The following SPEG variants were observed in gnomAD, a reference collection of about 807,000 sequenced individuals.
SPEG encodes striated muscle enriched protein kinase.
In SPEG, 114 loss-of-function variants were observed where a neutral mutation model predicts 300.4. The observed-to-expected ratio is 0.38, with a 90% CI of 0.33 to 0.44. The LOEUF is 0.44. Among genes scored for constraint, SPEG ranks in the 20% least tolerant of loss-of-function variants. The pLI is 1.00. For synonymous variants in SPEG, 1,964 were observed against 2,018.9 expected (o/e 0.97, Z 0.73); for missense variants, 4,201 against 4,586.2 (o/e 0.92, Z 2.43).
intron 22 of SPEG, among the ~76,000 whole-genome samples, chr2:219,478,804 T>C (rs547406294): frequency 1.3e-5 from 2 of 152,276 alleles, no homozygotes; most frequent in South Asian, 4.1e-4. Context: ...TCAACAAAAT[T>C]CTGCTGTAAT....
At position 219,464,701 on chromosome 2, in the gene SPEG, C is replaced by A; in HGVS notation, c.2881+93C>A. Reference sequence around the variant, plus strand: ...TCACACAGCCTCAGTTAGAGGATGCCACCACTGAAAGGGCCTTAAGGGGCC... The same window carrying A: ...TCACACAGCCTCAGTTAGAGGATGCAACCACTGAAAGGGCCTTAAGGGGCC... On this transcript the variant is annotated intron_variant, in intron 9 of 40. Transcript: ENST00000312358. The surrounding 1 kb of genome is among the most constrained non-coding windows in gnomAD (Gnocchi z 4.5). The A allele has an allele frequency of 7.4e-7, 1 of 1,358,498 alleles. No homozygotes were observed. The highest frequency in any genetic ancestry group is 1.0e-6 in the Non-Finnish European group (1 of 974,570). The allele number at this position is 1,358,498 out of a possible 1,614,324, so 84.2% of individuals were successfully genotyped here.
Position 219,463,392 on chromosome 2 carries a change from A to ATT in SPEG, c.2706-1004_2706-1003dup, listed in dbSNP as rs71040459. Among the ~76,000 whole-genome samples the ATT allele has an allele frequency of 7.1e-4, 17 of 23,944 alleles. 4 individuals are homozygous for ATT. The East Asian group carries it at 0.01, about 14-fold the overall frequency. The allele number at this position is 23,944 out of a possible 152,430, so 15.7% of individuals were successfully genotyped here. On this transcript the variant is annotated intron_variant, in intron 8 of 40. Transcript: ENST00000312358. ...AATTGATTGTCTGGTCCCCACTGTG[A>ATT]TTTTTTTTTTTTTTTTTTTTTTTTT...
chr2:219,474,331 T>C (rs1269677244), intron 18 of SPEG: 1 of 157,280 alleles, frequency 6.4e-6, no homozygotes, highest in African/African-American at 2.5e-5. Flanking sequence ...TGAGCCGAGA[T>C]TGCTCCATTG....
Position 219,448,953 on chromosome 2 carries a change from A to C in SPEG, c.1795A>C (p.Thr599Pro), listed in dbSNP as rs1327711226. 1.3e-6 allele frequency: 2 copies of C among 1,506,954 alleles called. No homozygotes were observed. The highest frequency in any genetic ancestry group is 8.8e-7 in the Non-Finnish European group (1 of 1,131,460). 93.3% of individuals were successfully genotyped at this position (1,506,954 alleles called of 1,614,324 possible). Residue 599 changes from threonine to proline, a missense_variant, in exon 4 of 41, where the codon ACC becomes CCC. Coordinates refer to ENST00000312358, the MANE Select transcript of SPEG (RefSeq NM_005876.5). ...TAGGCGTCGGGACCAATTCCCGCTG[A>C]CCCGGAGCAGAGCCATCCAGGAGTG... The part of the protein sequence containing the change: ...EVRRRDQFPL[T>P]RSRAIQECRS...
intron 8 of SPEG, 65 bp downstream of exon 8, chr2:219,462,451 G>C (rs1690809995): frequency 2.3e-6 from 3 of 1,332,968 alleles, no homozygotes; most frequent in Admixed American, 2.1e-5. Flanking sequence ...TGGGAGGTCT[G>C]GCTTTGGGTG....
At position 219,489,779 on chromosome 2, in the gene SPEG, CCTCCTGAGCCTA is replaced by C; in HGVS notation, c.8763_8774del (p.Pro2922_Thr2925del). 1 of 1,613,652 alleles carries C rather than the reference CCTCCTGAGCCTA, an allele frequency of 6.2e-7. No individual in the cohort carries two copies. The highest frequency in any genetic ancestry group is 8.5e-7 in the Non-Finnish European group (1 of 1,179,952). ...CCCTGAGCCCCCAGCCCCTGAGCCC[CCTCCTGAGCCTA>C]CCAAGGTGACTGTGCAGAGCCTCAG... is the stretch of plus-strand genomic sequence containing the variant. On this transcript the variant is annotated inframe_deletion, in exon 36 of 41. Coordinates refer to ENST00000312358, the MANE Select transcript of SPEG (RefSeq NM_005876.5).
chr2:219,456,704 A>G (rs988058602), intron 6 of SPEG, among the ~76,000 whole-genome samples: 1 of 152,026 alleles, frequency 6.6e-6, no homozygotes, highest in Non-Finnish European at 1.5e-5. Flanking sequence ...GGTCAGGAGT[A>G]TGAGACCAGC....
Position 219,476,952 on chromosome 2 carries a change from A to T in SPEG, c.4530A>T (p.Gly1510=). The T allele has an allele frequency of 1.2e-6, 2 of 1,612,268 alleles. No individual in the cohort carries two copies. Among genetic ancestry groups the T allele is most frequent in the South Asian group, 1.1e-5 (1 of 90,860 alleles). ...ETARFAVVVE[G]KPLPDIMWYK... ...CTCGCTTTGCGGTGGTGGTCGAGGG[A>T]AAACCACTGCCGGACATCATGTGGT... Residue 1510 remains glycine (G), a synonymous_variant, in exon 19 of 41, where the codon GGA becomes GGT. Coordinates refer to ENST00000312358, the MANE Select transcript of SPEG (RefSeq NM_005876.5).
rs376913006 is a variant in SPEG at position 219,469,186 on chromosome 2, C to T, written c.3522C>T (p.Pro1174=). ...AGCTGGAGAAGATGCCATCCATTCCCGAGGAGCCAGAGCAGGGTGAGCTGG... is the reference window on the plus strand; with the variant it reads ...AGCTGGAGAAGATGCCATCCATTCCTGAGGAGCCAGAGCAGGGTGAGCTGG... ...SSKLEKMPSI[P]EEPEQGELER... The change falls in exon 13 of 41, where the codon CCC becomes CCT. Residue 1174 remains proline (P), a synonymous_variant. Transcript: ENST00000312358. 82 of 1,613,836 alleles carry T rather than the reference C, an allele frequency of 5.1e-5. 1 individual carries two copies. The highest frequency in any genetic ancestry group is 4.5e-4 in the Admixed American group (27 of 60,000).
rs934581107 is a variant in SPEG at position 219,466,270 on chromosome 2, G to T, written c.2882-904G>T. On this transcript the variant is annotated intron_variant, in intron 9 of 40. Transcript: ENST00000312358. ...CCTGTGGACCCTCCCTCCCCAAGTG[G>T]ACACATGGCTGTGCAGGCCAGGAGG... is the stretch of plus-strand genomic sequence containing the variant. The T allele has an allele frequency of 1.3e-5, 18 of 1,428,144 alleles. No individual in the cohort carries two copies. In the East Asian group the frequency reaches 4.0e-4, roughly 32 times the overall value. The allele number at this position is 1,428,144 out of a possible 1,614,324, so 88.5% of individuals were successfully genotyped here. A position where few individuals can be genotyped will look rare whatever the true frequency, so the allele number is the denominator to read the frequency against.
In SPEG at chr2:219,464,623, T is replaced by G. The variant is rs761095360; in HGVS notation, c.2881+15T>G. On this transcript the variant is annotated intron_variant, in intron 9 of 40. Coordinates refer to ENST00000312358, the MANE Select transcript of SPEG (RefSeq NM_005876.5). This position sits in a 1 kb window ranked among gnomAD's most constrained non-coding sequence, Gnocchi z 4.5. The stretch of plus-strand genomic sequence containing the variant: ...GGAGGTCCGAGGTGAGTACCTGATT[T>G]CTCCATGAATGCCCACCTGGCCCTG... 21 of 1,610,646 alleles carry G rather than the reference T, an allele frequency of 1.3e-5. No individual in the cohort carries two copies. The South Asian group carries it at 2.1e-4, about 16-fold the overall frequency.
Position 219,493,427 on chromosome 2 carries a change from C to G in SPEG, c.*641C>G. The G allele has an allele frequency of 2.5e-6, 1 of 407,292 alleles. No individual in the cohort carries two copies. The highest frequency in any genetic ancestry group is 5.0e-6 in the Non-Finnish European group (1 of 200,176). 25.2% of individuals were successfully genotyped at this position (407,292 alleles called of 1,614,324 possible). On this transcript the variant is annotated 3_prime_UTR_variant, in exon 41 of 41. Coordinates refer to ENST00000312358, the MANE Select transcript of SPEG (RefSeq NM_005876.5). Reference sequence around the variant, plus strand: ...GTCCTCCTGTCCAGTGGATACAGCCCTGGGCGCTCTGCTGGCCCAAGGATG... The same window carrying G: ...GTCCTCCTGTCCAGTGGATACAGCCGTGGGCGCTCTGCTGGCCCAAGGATG...
chr2:219,480,205 G>A lies in SPEG; in HGVS notation c.5342+65G>A, dbSNP rs149561512. 1.0e-5 allele frequency: 16 copies of A among 1,523,870 alleles called. No homozygotes were observed. Among genetic ancestry groups the A allele is most frequent in the Admixed American group, 6.9e-5 (4 of 57,618 alleles). 94.4% of individuals were successfully genotyped at this position (1,523,870 alleles called of 1,614,324 possible). Reference sequence around the variant, plus strand: ...GCCCTTGGGGCTGTGCTGGGGACGCGCTCACTGGCAGGGAGATTTACCGAG... The same window carrying A: ...GCCCTTGGGGCTGTGCTGGGGACGCACTCACTGGCAGGGAGATTTACCGAG... On this transcript the variant is annotated intron_variant, in intron 25 of 40. Coordinates refer to ENST00000312358, the MANE Select transcript of SPEG (RefSeq NM_005876.5). The surrounding 1 kb of genome is among the most constrained non-coding windows in gnomAD (Gnocchi z 5.3).
At chr2:219,491,086 G>A (rs545104362) in intron 38 of SPEG, 130 bp downstream of exon 38, 1 of 699,082 alleles carries the variant, frequency 1.4e-6, no homozygotes, top group Non-Finnish European at 2.4e-6. Flanking sequence ...AATGAACGAA[G>A]TATGTGGATT....
chr2:219,448,534 C>A lies in SPEG; in HGVS notation c.1376C>A (p.Ala459Glu). ...TPGASQEELR[A>E]PGSVAERRRL... The stretch of plus-strand genomic sequence containing the variant: ...GGGGCCTCGCAGGAAGAACTGCGGG[C>A]GCCAGGCAGCGTGGCCGAGCGGCGC... Residue 459 changes from alanine (A) to glutamate (E), a missense_variant, in exon 4 of 41, where the codon GCG becomes GAG. Ala to Glu is a moderately radical substitution (Grantham distance 107). This residue lies in a region of SPEG where 1,258 missense variants were observed against 1,293.9 expected (regional missense o/e 0.97). Transcript: ENST00000312358. The A allele has an allele frequency of 2.1e-6, 3 of 1,440,952 alleles. No individual in the cohort carries two copies. Among genetic ancestry groups the A allele is most frequent in the South Asian group, 1.4e-5 (1 of 70,994 alleles). 89.3% of individuals were successfully genotyped at this position (1,440,952 alleles called of 1,614,324 possible).
intron 9 of SPEG, 103 bp from the exon 10 acceptor site, chr2:219,467,071 C>G (rs1691431196): frequency 1.5e-6 from 2 of 1,377,050 alleles, no homozygotes; most frequent in Non-Finnish European, 1.9e-6. Flanking sequence ...AAATGCATCT[C>G]TCTCTCTGTG....
intron 6 of SPEG, chr2:219,461,192 C>T: frequency 1.0e-6 from 1 of 985,028 alleles, no homozygotes; most frequent in Non-Finnish European, 1.2e-6. Context: ...CTCTGGTGCC[C>T]CCCTCCTCTT....
Position 219,473,906 on chromosome 2 carries a change from G to A in SPEG, c.4447+3G>A. 1.2e-6 allele frequency: 2 copies of A among 1,601,202 alleles called. No homozygotes were observed. The highest frequency in any genetic ancestry group is 1.7e-6 in the Non-Finnish European group (2 of 1,172,848). On this transcript the variant is annotated splice_donor_region_variant and intron_variant, in intron 18 of 40. Transcript: ENST00000312358. This position sits in a 1 kb window ranked among gnomAD's most constrained non-coding sequence, Gnocchi z 4.6. The stretch of plus-strand genomic sequence containing the variant: ...CTCGGTCACATTGGAGCTGGCAGGT[G>A]GGTGACAGCGGGCCTTCTTCCTAGC...
chr2:219,471,810 C>T, intron 13 of SPEG, 58 bp from the exon 14 acceptor site: 1 of 1,606,470 alleles, frequency 6.2e-7, no homozygotes, highest in East Asian at 2.2e-5. Flanking sequence ...TGGCATGGGC[C>T]TACCCCTCAA....
Sources: gnomAD v4.1 joint callset for allele counts (sites outside exome capture counted in the v4.1 genomes callset) on GRCh38, gnomAD v4.1.1 for gene constraint, gnomAD v4.1.1 regional missense constraint, Gnocchi (gnomAD v3.1) non-coding constraint, MANE v1.5 for transcripts, NCBI Gene and HGNC (gene_info 2026-07-23, HGNC 2026-07-21) for gene names.